The following KIZ variants were observed in gnomAD, a reference collection of about 807,000 sequenced individuals.
KIZ encodes the protein centrosomal protein kizuna.
KIZ carries 68 observed loss-of-function variants against 79.6 expected under a neutral mutation model. The observed-to-expected ratio is 0.85, with a 90% CI of 0.70 to 1.05. The LOEUF is 1.05. Among genes scored for constraint, KIZ ranks in the 50% least tolerant of loss-of-function variants. The pLI is 0.00. For missense variants in KIZ, 797 were observed against 800.4 expected (o/e 1.00, Z 0.05); for synonymous variants, 280 against 281.8 (o/e 0.99, Z 0.06).
At chr20:21,133,802 A>G (rs972700513) in intron 2 of KIZ, among the ~76,000 whole-genome samples, 1 of 152,240 alleles carries the variant, frequency 6.6e-6, no homozygotes, top group Non-Finnish European at 1.5e-5. Flanking sequence ...TGTTCACTGC[A>G]GTGAGCACCT....
intron 4 of KIZ, among the ~76,000 whole-genome samples, chr20:21,160,581 A>G (rs2033608312): frequency 6.6e-6 from 1 of 152,084 alleles, no homozygotes; most frequent in Admixed American, 6.6e-5. Flanking sequence ...TTTCCATCTC[A>G]TATTTCTCCT....
At chr20:21,190,571 C>T (rs997183072) in intron 6 of KIZ, among the ~76,000 whole-genome samples, 2 of 152,166 alleles carry the variant, frequency 1.3e-5, no homozygotes, top group Non-Finnish European at 2.9e-5. Context: ...GAATTAGCCT[C>T]TCAGGTTCCA....
At chr20:21,234,941 A>G (rs1029948857) in intron 11 of KIZ, among the ~76,000 whole-genome samples, 1 of 152,154 alleles carries the variant, frequency 6.6e-6, no homozygotes, top group African/African-American at 2.4e-5. Context: ...TGTGGGCCTG[A>G]TTCATTAAGT....
chr20:21,148,923 G>A (rs1051779623), intron 4 of KIZ: 2 of 152,220 alleles, frequency 1.3e-5, no homozygotes, highest in Admixed American at 1.3e-4. Flanking sequence ...CAAGGATCAG[G>A]TGGGAGAATG....
chr20:21,132,988 C>G (rs911939320), intron 2 of KIZ: 4 of 152,310 alleles, frequency 2.6e-5, no homozygotes, highest in Non-Finnish European at 5.9e-5. Flanking sequence ...AAGAGCAGAT[C>G]TTAAATATTT....
At position 21,229,219 on chromosome 20, in the gene KIZ, G is replaced by GT. The variant is rs199827366; in HGVS notation, c.1783+105dup. The GT allele has an allele frequency of 1.0e-3, 666 of 664,646 alleles. 8 individuals are homozygous for GT. The East Asian group carries it at 0.017, about 17-fold the overall frequency. 41.2% of individuals were successfully genotyped at this position (664,646 alleles called of 1,614,324 possible). On this transcript the variant is annotated intron_variant, in intron 10 of 12. Coordinates refer to ENST00000619189, the MANE Select transcript of KIZ (RefSeq NM_018474.6). Reference sequence around the variant, plus strand: ...TATGAAGGTTTCTGGAGTTTGCTCTGTAACGAGCTGTCACCAGGACAGAAT... The same window carrying GT: ...TATGAAGGTTTCTGGAGTTTGCTCTGTTAACGAGCTGTCACCAGGACAGAAT...
At chr20:21,234,250 CCTT>C (rs2036924818) in intron 11 of KIZ, among the ~76,000 whole-genome samples, 1 of 152,098 alleles carries the variant, frequency 6.6e-6, no homozygotes, top group East Asian at 1.9e-4. Flanking sequence ...GCATTTTCCT[CCTT>C]CAAATTGAGA....
intron 7 of KIZ, among the ~76,000 whole-genome samples, chr20:21,209,555 G>C (rs1161232364): frequency 3.9e-5 from 6 of 152,032 alleles, no homozygotes; most frequent in African/African-American, 1.5e-4. Context: ...TCATTTGCTG[G>C]GTCATATGAA....
chr20:21,215,618 GA>G lies in KIZ; in HGVS notation c.1652del (p.Asn551MetfsTer17). ...SSGCGDKSKK[E>X]NVAADIPITE... ...TGGCTGTGGAGACAAGAGCAAGAAA[GA>G]AAATGTGGCTGCAGATATCCCAATC... On this transcript the variant is annotated frameshift_variant, in exon 9 of 13. Transcript: ENST00000619189. LOFTEE classifies it high-confidence loss of function. The G allele has an allele frequency of 6.2e-7, 1 of 1,607,072 alleles. No homozygotes were observed. The highest frequency in any genetic ancestry group is 1.1e-5 in the South Asian group (1 of 90,002).
intron 6 of KIZ, among the ~76,000 whole-genome samples, chr20:21,172,032 A>T (rs890420322): frequency 5.9e-5 from 9 of 152,192 alleles, no homozygotes; most frequent in African/African-American, 2.2e-4. Context: ...CCCTCTCTTG[A>T]TAATATGTGA....
intron 9 of KIZ, among the ~76,000 whole-genome samples, chr20:21,228,391 G>T (rs2036722939): frequency 6.6e-6 from 1 of 152,158 alleles, no homozygotes; most frequent in South Asian, 2.1e-4. Flanking sequence ...TAGAAGCCCT[G>T]CATGGCCAAG....
At chr20:21,233,366 C>T (rs749248908) in intron 11 of KIZ, among the ~76,000 whole-genome samples, 9 of 152,104 alleles carry the variant, frequency 5.9e-5, no homozygotes, top group Non-Finnish European at 1.0e-4. Context: ...CAAACTGTAG[C>T]ACTCGCTTCT....
intron 2 of KIZ, among the ~76,000 whole-genome samples, chr20:21,134,031 A>G (rs1016434078): frequency 2.0e-5 from 3 of 152,182 alleles, no homozygotes; most frequent in East Asian, 3.9e-4. Context: ...TGAAATGCCA[A>G]GTGCAGCTGA....
chr20:21,222,337 G>T (rs1281436811), intron 9 of KIZ, among the ~76,000 whole-genome samples: 2 of 152,166 alleles, frequency 1.3e-5, no homozygotes, highest in Admixed American at 6.5e-5. Flanking sequence ...CCACACCCTT[G>T]TGCAATTATT....
At chr20:21,144,314 T>A (rs1043119412) in intron 3 of KIZ, 2 of 152,194 alleles carry the variant, frequency 1.3e-5, no homozygotes, top group African/African-American at 4.8e-5. Flanking sequence ...TGTAATTATA[T>A]GTTTATATTG....
At chr20:21,175,370 G>A (rs1166474283) in intron 6 of KIZ, among the ~76,000 whole-genome samples, 1 of 152,118 alleles carries the variant, frequency 6.6e-6, no homozygotes, top group Non-Finnish European at 1.5e-5. Flanking sequence ...GGCAATAATC[G>A]TAGTCACAGC....
At chr20:21,142,018 C>T (rs2032574183) in intron 3 of KIZ, among the ~76,000 whole-genome samples, 2 of 151,364 alleles carry the variant, frequency 1.3e-5, no homozygotes, top group Non-Finnish European at 2.9e-5. Flanking sequence ...CTGTCTTCTC[C>T]AGATCCTCTA....
chr20:21,245,613 C>T (rs1235558040), intron 12 of KIZ: 1 of 152,266 alleles, frequency 6.6e-6, no homozygotes, highest in Non-Finnish European at 1.5e-5. Context: ...CGCTCCACTA[C>T]ACCTTGCCAG....
At chr20:21,157,372 T>C (rs2033435299) in intron 4 of KIZ, among the ~76,000 whole-genome samples, 2 of 152,164 alleles carry the variant, frequency 1.3e-5, no homozygotes. Context: ...TACTAGAGTT[T>C]GTTGAGGACC....
Sources: allele counts gnomAD v4.1 joint callset (sites outside exome capture counted in the v4.1 genomes callset), GRCh38; gene constraint gnomAD v4.1.1; transcripts MANE v1.5; gene names NCBI Gene and HGNC (gene_info 2026-07-23, HGNC 2026-07-21).